Variants in NEBL observed in about 807,000 individuals in gnomAD.
NEBL encodes LIM and SH3 protein 2.
Under a neutral mutation model 140.2 loss-of-function variants are expected in NEBL, and 122 were observed. The observed-to-expected ratio is 0.87, with a 90% CI of 0.75 to 1.01. The LOEUF is 1.01. Ranked by LOEUF, NEBL falls within the 50% of genes least tolerant of loss-of-function variation. NEBL has a pLI of 0.00. For synonymous variants in NEBL, 436 were observed against 398.9 expected (o/e 1.09, Z -1.11); for missense variants, 1,365 against 1,231.3 (o/e 1.11, Z -1.62).
intron 2 of NEBL, among the ~76,000 whole-genome samples, chr10:21,081,324 G>T (rs7074610): frequency 6.6e-6 from 1 of 152,082 alleles, no homozygotes. Context: ...GATGACAAAG[G>T]CTTTCATGGG....
intron 3 of NEBL, among the ~76,000 whole-genome samples, chr10:21,191,524 A>G (rs1490006939): frequency 6.6e-6 from 1 of 152,142 alleles, no homozygotes; most frequent in East Asian, 1.9e-4. Context: ...TTTCCTATCA[A>G]TGGAAGTTCT....
At chr10:20,932,050 C>G (rs1034454415) in intron 4 of NEBL, among the ~76,000 whole-genome samples, 1 of 152,182 alleles carries the variant, frequency 6.6e-6, no homozygotes, top group African/African-American at 2.4e-5. Context: ...TTCCTCTACT[C>G]CCTCATTACA....
chr10:20,901,152 C>T (rs1031969264), upstream of NEBL, among the ~76,000 whole-genome samples: 1 of 152,144 alleles, frequency 6.6e-6, no homozygotes, highest in African/African-American at 2.4e-5. Flanking sequence ...ATTCTCTGTG[C>T]CATTAATATC....
chr10:20,856,772 T>C (rs1843121566), intron 9 of NEBL, among the ~76,000 whole-genome samples: 1 of 152,194 alleles, frequency 6.6e-6, no homozygotes, highest in Non-Finnish European at 1.5e-5. Flanking sequence ...ATTAATGTAC[T>C]GCTTTTCATC....
rs1389839331 is a variant in NEBL, at chr10:20,784,523, CT to C, written c.*1223del. On this transcript the variant is annotated 3_prime_UTR_variant, in exon 28 of 28. Coordinates refer to ENST00000377122, the MANE Select transcript of NEBL (RefSeq NM_006393.3). ...AGCAAAAAAAAATGGAAAAGGACGTCTTTTGATTAACCCGTTTTGGTGGCTA... is the reference window on the plus strand; with the variant it reads ...AGCAAAAAAAAATGGAAAAGGACGTCTTTGATTAACCCGTTTTGGTGGCTA... 6.6e-6 allele frequency: 1 copy of C among 152,126 alleles called. No individual in the cohort carries two copies. Among genetic ancestry groups the C allele is most frequent in the Non-Finnish European group, 1.5e-5 (1 of 68,024 alleles). 9.4% of individuals were successfully genotyped at this position (152,126 alleles called of 1,614,324 possible).
intron 1 of NEBL, among the ~76,000 whole-genome samples, chr10:21,272,614 C>A (rs1842873397): frequency 6.6e-6 from 1 of 152,114 alleles, no homozygotes; most frequent in Non-Finnish European, 1.5e-5. Context: ...AATAACAAAA[C>A]ACCAGGGGTT....
intron 9 of NEBL, among the ~76,000 whole-genome samples, chr10:20,856,664 G>A (rs1843110194): frequency 6.6e-6 from 1 of 152,134 alleles, no homozygotes; most frequent in African/African-American, 2.4e-5. Context: ...AGACTGAAGT[G>A]CAAGCCAGCA....
At chr10:21,066,825 G>A (rs971462647) in intron 2 of NEBL, among the ~76,000 whole-genome samples, 7 of 127,100 alleles carry the variant, frequency 5.5e-5, no homozygotes, top group African/African-American at 1.3e-4. Flanking sequence ...ATTGTTCTGC[G>A]GTTTTTCTAT....
At chr10:20,971,762 C>G (rs1421059757) in intron 3 of NEBL, among the ~76,000 whole-genome samples, 1 of 151,970 alleles carries the variant, frequency 6.6e-6, no homozygotes, top group Non-Finnish European at 1.5e-5. Flanking sequence ...TATAGGCGCC[C>G]ACCACCACAC....
chr10:21,042,271 G>A (rs572857514), intron 2 of NEBL, among the ~76,000 whole-genome samples: 35 of 152,282 alleles, frequency 2.3e-4, no homozygotes, highest in East Asian at 7.7e-4. Flanking sequence ...AGGAACGTAC[G>A]TCTTGGAGAG....
intron 3 of NEBL, among the ~76,000 whole-genome samples, chr10:20,994,478 C>T (rs748214125): frequency 6.6e-6 from 1 of 152,168 alleles, no homozygotes; most frequent in Non-Finnish European, 1.5e-5. Context: ...ACTAATTCAA[C>T]GTCTTTTTGC....
At chr10:20,796,998 C>T (rs777199149) in intron 26 of NEBL, among the ~76,000 whole-genome samples, 7 of 152,162 alleles carry the variant, frequency 4.6e-5, no homozygotes, top group Non-Finnish European at 8.8e-5. Context: ...ATAAGAACTA[C>T]GTAATTCTGG....
At chr10:21,231,113 C>A (rs1842243410) in intron 3 of NEBL, among the ~76,000 whole-genome samples, 1 of 152,214 alleles carries the variant, frequency 6.6e-6, no homozygotes, top group African/African-American at 2.4e-5. Context: ...TTCATTCATT[C>A]GTTCTTGCTG....
At chr10:20,899,591 A>G, upstream of NEBL, 1 of 364,270 alleles carries the variant, frequency 2.7e-6, no homozygotes, top group Non-Finnish European at 5.2e-6. Flanking sequence ...TAAGAAATCA[A>G]TACACCTAAA....
intron 6 of NEBL, among the ~76,000 whole-genome samples, chr10:20,869,529 T>C (rs933894852): frequency 6.6e-5 from 10 of 152,188 alleles, no homozygotes; most frequent in Non-Finnish European, 1.0e-4. Context: ...ATGATGACAC[T>C]AACCACAGCC....
chr10:20,832,792 C>T (rs1217277656), intron 14 of NEBL, among the ~76,000 whole-genome samples: 1 of 152,148 alleles, frequency 6.6e-6, no homozygotes, highest in African/African-American at 2.4e-5. Context: ...ATTTTGCCTC[C>T]TATCTTCCAC....
intron 2 of NEBL, among the ~76,000 whole-genome samples, chr10:21,075,852 A>G (rs1039901271): frequency 6.6e-6 from 1 of 152,222 alleles, no homozygotes. Flanking sequence ...GAACAACCCC[A>G]TTTAAAAAAG....
intron 2 of NEBL, among the ~76,000 whole-genome samples, chr10:21,046,864 A>G (rs1002897979): frequency 1.3e-5 from 2 of 152,120 alleles, no homozygotes; most frequent in African/African-American, 4.8e-5. Context: ...AGCCTCCCAG[A>G]GTGCTGGGAT....
chr10:20,947,395 C>T (rs79208256), intron 4 of NEBL, among the ~76,000 whole-genome samples: 5,727 of 152,064 alleles, frequency 0.038, 186 homozygotes, highest in South Asian at 0.12. Context: ...TGAGGGCAGG[C>T]TAGAAAGTGT....
Sources: allele counts gnomAD v4.1 joint callset (sites outside exome capture counted in the v4.1 genomes callset), GRCh38; gene constraint gnomAD v4.1.1; transcripts MANE v1.5; gene names NCBI Gene and HGNC (gene_info 2026-07-23, HGNC 2026-07-21).